The following KNTC1 variants were observed in gnomAD, a reference collection of about 807,000 sequenced individuals.
The protein encoded by KNTC1 is kinetochore associated 1.
In KNTC1, 253 loss-of-function variants were observed where a neutral mutation model predicts 314.4. The ratio of observed to expected loss-of-function variants is 0.80; its 90% CI spans 0.73 to 0.89. KNTC1 has a LOEUF of 0.89. KNTC1 is among the 40% of genes least tolerant of loss of function. KNTC1 has a pLI of 0.00. For synonymous variants in KNTC1, 901 were observed against 901.4 expected (o/e 1.00, Z 0.01); for missense variants, 2,475 against 2,572.9 (o/e 0.96, Z 0.82).
chr12:122,546,788 G>A (rs1337182744), intron 10 of KNTC1, 114 bp downstream of exon 10: 7 of 566,270 alleles, frequency 1.2e-5, no homozygotes, highest in Non-Finnish European at 1.5e-5. Flanking sequence ...TGTGTACTGT[G>A]CTTTTTTTCA....
In KNTC1 at chr12:122,624,608, G is replaced by A. The variant is rs776590958; in HGVS notation, c.6526G>A (p.Ala2176Thr). 6.2e-7 allele frequency: 1 copy of A among 1,610,694 alleles called. No individual in the cohort carries two copies. Among genetic ancestry groups the A allele is most frequent in the South Asian group, 1.1e-5 (1 of 90,988 alleles). Reference sequence around the variant, plus strand: ...TTTTTGATTTTGTAGTTTAGATGAAGCTTCAGTCTTGATAACTGAATATTC... The same window carrying A: ...TTTTTGATTTTGTAGTTTAGATGAAACTTCAGTCTTGATAACTGAATATTC... ...YLANDLSLDE[A>T]SVLITEYSKH... The change falls in exon 63 of 64, where the codon GCT becomes ACT. Residue 2176 changes from alanine to threonine, a missense_variant. Coordinates refer to ENST00000333479, the MANE Select transcript of KNTC1 (RefSeq NM_014708.6).
chr12:122,538,283 G>A lies in KNTC1; in HGVS notation c.251-56G>A, dbSNP rs1011099549. 4.1e-6 allele frequency: 4 copies of A among 986,192 alleles called. No individual in the cohort carries two copies. In the African/African-American group the frequency reaches 6.6e-5, roughly 16 times the overall value. 61.1% of individuals were successfully genotyped at this position (986,192 alleles called of 1,614,324 possible). On this transcript the variant is annotated intron_variant, in intron 3 of 63. Coordinates refer to ENST00000333479, the MANE Select transcript of KNTC1 (RefSeq NM_014708.6). Reference sequence around the variant, plus strand: ...AATGAGAAAAATTTGTATTTTTTTTGTATTGAAAATAAAGATTTTCGAAGG... The same window carrying A: ...AATGAGAAAAATTTGTATTTTTTTTATATTGAAAATAAAGATTTTCGAAGG...
intron 30 of KNTC1, 110 bp from the exon 31 acceptor site, chr12:122,577,562 G>C: frequency 9.2e-7 from 1 of 1,091,600 alleles, no homozygotes; most frequent in Non-Finnish European, 1.3e-6. Context: ...ACCATAATCT[G>C]TTTTTCCAAA....
At chr12:122,612,074 T>G (rs187837371) in intron 53 of KNTC1, among the ~76,000 whole-genome samples, 2 of 152,014 alleles carry the variant, frequency 1.3e-5, no homozygotes, top group Non-Finnish European at 2.9e-5. Flanking sequence ...TTTTTGTGTT[T>G]TTTTTTTTTG....
intron 3 of KNTC1, among the ~76,000 whole-genome samples, chr12:122,536,294 G>A (rs1206484365): frequency 6.8e-6 from 1 of 147,534 alleles, no homozygotes; most frequent in Non-Finnish European, 1.5e-5. Context: ...GTGGCATGAT[G>A]TCAGCTCACT....
chr12:122,529,126 G>T (rs74976900), intron 1 of KNTC1, among the ~76,000 whole-genome samples: 5,615 of 152,168 alleles, frequency 0.037, 142 homozygotes, highest in Non-Finnish European at 0.053. Flanking sequence ...TTACAGGTGT[G>T]AGCCACCGCG....
Position 122,554,076 on chromosome 12 carries a change from A to AAAATATATATATATATAT in KNTC1, c.1272+2381_1272+2382insAATATATATATATATATA, listed in dbSNP as rs370146333. Among the ~76,000 whole-genome samples, 7 of 109,048 alleles carry AAAATATATATATATATAT rather than the reference A, an allele frequency of 6.4e-5. No individual in the cohort carries two copies. The South Asian group carries it at 9.6e-4, about 15-fold the overall frequency. The allele number at this position is 109,048 out of a possible 152,430, so 71.5% of individuals were successfully genotyped here. A position where few individuals can be genotyped will look rare whatever the true frequency, so the allele number is the denominator to read the frequency against. On this transcript the variant is annotated intron_variant, in intron 16 of 63. Transcript: ENST00000333479. ...CAGAATACTTCCTTAAAAAAAAAAA[A>AAAATATATATATATATAT]ATATATATATATATATATATATATT...
At chr12:122,563,359 A>G (rs1262164141) in intron 20 of KNTC1, among the ~76,000 whole-genome samples, 4 of 152,202 alleles carry the variant, frequency 2.6e-5, no homozygotes, top group African/African-American at 4.8e-5. Context: ...CTAAGTTTCA[A>G]TGTTATAAGA....
chr12:122,601,680 A>G (rs955734489), intron 45 of KNTC1, 55 bp downstream of exon 45: 2 of 1,399,366 alleles, frequency 1.4e-6, no homozygotes, highest in African/African-American at 1.5e-5. Context: ...TATTTGGATC[A>G]TAAATCATAT....
rs373204934 is a variant in KNTC1, at chr12:122,621,952, A to G, written c.6351A>G (p.Leu2117=). The change falls in exon 61 of 64, where the codon CTA becomes CTG. Residue 2117 remains leucine (L), a synonymous_variant. Transcript: ENST00000333479. ...QLEEHMNTGQ[L]AGFSHQIRSL... ...AAGAGCATATGAACACGGGCCAGCT[A>G]GCAGGATTTTCACATCAAGTAAGAG... 144 of 1,607,610 alleles carry G rather than the reference A, an allele frequency of 9.0e-5. No homozygotes were observed. The African/African-American group carries it at 1.7e-3, about 19-fold the overall frequency.
chr12:122,528,215 A>G (rs978988451), intron 1 of KNTC1, among the ~76,000 whole-genome samples: 4 of 152,060 alleles, frequency 2.6e-5, no homozygotes, highest in Non-Finnish European at 4.4e-5. Context: ...GAGACCCATA[A>G]AGGTATTCAT....
intron 60 of KNTC1, among the ~76,000 whole-genome samples, chr12:122,621,626 C>T (rs779017022): frequency 1.3e-5 from 2 of 152,234 alleles, no homozygotes; most frequent in Non-Finnish European, 2.9e-5. Flanking sequence ...TGAGCCACTG[C>T]GCCCAGCTGA....
At chr12:122,622,397 A>G (rs1330113692) in intron 61 of KNTC1, 65 bp from the exon 62 acceptor site, 2 of 1,334,596 alleles carry the variant, frequency 1.5e-6, no homozygotes, top group South Asian at 1.4e-5. Flanking sequence ...CTGTCATTCT[A>G]TAGATTAGAA....
At chr12:122,599,263 C>A (rs903344863) in intron 44 of KNTC1, among the ~76,000 whole-genome samples, 1 of 151,704 alleles carries the variant, frequency 6.6e-6, no homozygotes, top group African/African-American at 2.4e-5. Flanking sequence ...CTGGCTTCTG[C>A]TCAGTATTTG....
At chr12:122,577,060 G>A (rs1965077947) in intron 30 of KNTC1, 31 bp downstream of exon 30, 5 of 1,456,800 alleles carry the variant, frequency 3.4e-6, no homozygotes, top group African/African-American at 1.5e-5. Context: ...CATTTCATAT[G>A]GCTTCTTTGT....
chr12:122,581,087 C>T (rs1165934756), intron 33 of KNTC1, among the ~76,000 whole-genome samples: 3 of 149,300 alleles, frequency 2.0e-5, no homozygotes, highest in Non-Finnish European at 4.4e-5. Flanking sequence ...ACTGGTTTTC[C>T]TTCTCTCTCT....
chr12:122,620,446 A>G, intron 59 of KNTC1, 33 bp from the exon 60 acceptor site: 1 of 1,596,630 alleles, frequency 6.3e-7, no homozygotes, highest in South Asian at 1.1e-5. Context: ...TGAATCTGCC[A>G]GATTATTAAC....
intron 44 of KNTC1, among the ~76,000 whole-genome samples, chr12:122,598,357 A>G (rs1159565047): frequency 6.6e-6 from 1 of 151,968 alleles, no homozygotes; most frequent in Non-Finnish European, 1.5e-5. Context: ...CTATCTCAAA[A>G]GAAACAATTT....
At chr12:122,599,157 G>A (rs928739467) in intron 44 of KNTC1, among the ~76,000 whole-genome samples, 5 of 150,888 alleles carry the variant, frequency 3.3e-5, no homozygotes, top group Admixed American at 1.3e-4. Context: ...TAAGAGAAGG[G>A]GGTCTCACTA....
Sources: allele counts gnomAD v4.1 joint callset (sites outside exome capture counted in the v4.1 genomes callset), GRCh38; gene constraint gnomAD v4.1.1; transcripts MANE v1.5; gene names NCBI Gene and HGNC (gene_info 2026-07-23, HGNC 2026-07-21).